Variants in PRKCH observed in about 807,000 individuals in gnomAD.
PRKCH encodes protein kinase C eta type.
A neutral mutation model predicts 82.5 loss-of-function variants in PRKCH; 28 were observed. The ratio of observed to expected loss-of-function variants is 0.34; its 90% CI spans 0.25 to 0.47. The LOEUF (loss-of-function observed/expected upper bound fraction) is 0.47. PRKCH is among the 20% of genes least tolerant of loss of function. The probability of loss-of-function intolerance (pLI) is 1.00; values close to 1 mark genes in which losing one functional copy is unlikely to be tolerated. For synonymous variants in PRKCH, 322 were observed against 327.4 expected, an observed-to-expected ratio of 0.98 and a Z score of 0.18; for missense variants, 705 against 881.8, an observed-to-expected ratio of 0.80 and a Z score of 2.54.
intron 1 of PRKCH, among the ~76,000 whole-genome samples, chr14:61,218,857 A>G (rs1157258363): frequency 6.6e-6 from 1 of 152,070 alleles, no homozygotes; most frequent in Non-Finnish European, 1.5e-5. Flanking sequence ...GATGCTCTAT[A>G]AAGAGCTTTT....
chr14:61,217,600 C>A (rs946226180), intron 1 of PRKCH, among the ~76,000 whole-genome samples: 1 of 152,170 alleles, frequency 6.6e-6, no homozygotes, highest in Non-Finnish European at 1.5e-5. Context: ...ATAGGATCAC[C>A]TCAGCCTCAA....
intron 1 of PRKCH, chr14:61,278,214 A>G (rs1440519429): frequency 2.0e-5 from 3 of 152,228 alleles, no homozygotes; most frequent in Non-Finnish European, 4.4e-5. Context: ...TGGGCTAGTG[A>G]GCTGCTCAAA....
intron 1 of PRKCH, among the ~76,000 whole-genome samples, chr14:61,308,010 AT>A (rs573158793): frequency 6.6e-6 from 1 of 151,268 alleles, no homozygotes; most frequent in Admixed American, 6.6e-5. Context: ...CTAATTTTTA[AT>A]TTTTTTTTGT....
At chr14:61,262,506 CAGAAGTCAGAA>C (rs2045058278) in intron 1 of PRKCH, among the ~76,000 whole-genome samples, 1 of 152,020 alleles carries the variant, frequency 6.6e-6, no homozygotes, top group African/African-American at 2.4e-5. Flanking sequence ...TGAGAGATGT[CAGAAGTCAGAA>C]AGAAGTCACC....
intron 1 of PRKCH, among the ~76,000 whole-genome samples, chr14:61,285,325 C>G (rs1389831858): frequency 2.6e-5 from 4 of 152,178 alleles, no homozygotes; most frequent in Non-Finnish European, 5.9e-5. Flanking sequence ...CCAATAAACT[C>G]TCAGATACTA....
intron 1 of PRKCH, among the ~76,000 whole-genome samples, chr14:61,364,366 G>A (rs1291444517): frequency 6.6e-6 from 1 of 151,952 alleles, no homozygotes; most frequent in Non-Finnish European, 1.5e-5. Context: ...AAGAGATGCT[G>A]AGGCTCAGCT....
intron 1 of PRKCH, among the ~76,000 whole-genome samples, chr14:61,272,344 C>CTTT (rs1162331604): frequency 1.7e-4 from 4 of 23,622 alleles, no homozygotes; most frequent in African/African-American, 3.8e-4. Context: ...TTTTTTCTTT[C>CTTT]TTTTTTTTTT....
intron 9 of PRKCH, among the ~76,000 whole-genome samples, chr14:61,482,962 C>T (rs917424636): frequency 6.6e-6 from 1 of 152,246 alleles, no homozygotes; most frequent in East Asian, 1.9e-4. Context: ...GGAATGGCCA[C>T]TTCCCCACTG....
intron 12 of PRKCH, among the ~76,000 whole-genome samples, chr14:61,538,893 A>G (rs1479262496): frequency 6.6e-6 from 1 of 152,232 alleles, no homozygotes; most frequent in Non-Finnish European, 1.5e-5. Flanking sequence ...GAGGAGGATA[A>G]AGGACATTGT....
chr14:61,255,106 T>C (rs1272248761), intron 1 of PRKCH, among the ~76,000 whole-genome samples: 1 of 152,120 alleles, frequency 6.6e-6, no homozygotes, highest in Non-Finnish European at 1.5e-5. Context: ...AGGGCTGGAG[T>C]TGTGAACCCA....
At chr14:61,481,159 A>C (rs1280509811) in intron 9 of PRKCH, among the ~76,000 whole-genome samples, 1 of 152,184 alleles carries the variant, frequency 6.6e-6, no homozygotes, top group Non-Finnish European at 1.5e-5. Context: ...GTGTGGAGTC[A>C]TATTAGTTTT....
chr14:61,446,012 A>T (rs749282286), intron 4 of PRKCH, among the ~76,000 whole-genome samples: 1 of 152,166 alleles, frequency 6.6e-6, no homozygotes, highest in Non-Finnish European at 1.5e-5. Flanking sequence ...AGGTAATGTG[A>T]TTTTGTGAGC....
intron 9 of PRKCH, among the ~76,000 whole-genome samples, chr14:61,465,949 C>T (rs1447361723): frequency 6.6e-6 from 1 of 152,138 alleles, no homozygotes; most frequent in African/African-American, 2.4e-5. Flanking sequence ...AAAAGTGAGA[C>T]ACTGAGCAGT....
intron 1 of PRKCH, among the ~76,000 whole-genome samples, chr14:61,347,183 A>G (rs2140144029): frequency 6.6e-6 from 1 of 152,318 alleles, no homozygotes; most frequent in Admixed American, 6.5e-5. Context: ...CTGCTTATTT[A>G]AGGTGGTTTG....
intron 1 of PRKCH, among the ~76,000 whole-genome samples, chr14:61,364,107 A>G (rs2046267933): frequency 1.3e-5 from 2 of 150,812 alleles, no homozygotes; most frequent in Non-Finnish European, 3.0e-5. Flanking sequence ...TCCTGGCCTC[A>G]GGCGATCCTC....
intron 1 of PRKCH, among the ~76,000 whole-genome samples, chr14:61,211,782 A>G (rs952991990): frequency 6.6e-6 from 1 of 152,200 alleles, no homozygotes; most frequent in African/African-American, 2.4e-5. Flanking sequence ...AAGATTGCTC[A>G]TGATCTGAAA....
chr14:61,466,451 C>T (rs918509379), intron 9 of PRKCH, among the ~76,000 whole-genome samples: 64 of 152,110 alleles, frequency 4.2e-4, no homozygotes, highest in African/African-American at 1.4e-3. Flanking sequence ...ATCCCCGGCT[C>T]GCAGGGGCCT....
chr14:61,485,756 T>C (rs928237257), intron 10 of PRKCH, 100 bp downstream of exon 10: 1 of 1,409,866 alleles, frequency 7.1e-7, no homozygotes, highest in Non-Finnish European at 9.6e-7. Context: ...TGAAACCTTT[T>C]TTGGAATTAA....
At chr14:61,529,913 A>AATAT (rs1555396320) in intron 11 of PRKCH, among the ~76,000 whole-genome samples, 1 of 125,588 alleles carries the variant, frequency 8.0e-6, no homozygotes, top group African/African-American at 2.6e-5. Context: ...AATAAAAAAA[A>AATAT]ATATATATAT....
Sources: allele counts gnomAD v4.1 joint callset (sites outside exome capture counted in the v4.1 genomes callset), GRCh38; gene constraint gnomAD v4.1.1; transcripts MANE v1.5; gene names NCBI Gene and HGNC (gene_info 2026-07-23, HGNC 2026-07-21).